CDH18: variants seen among roughly 807,000 people sequenced by gnomAD.
The protein encoded by CDH18 is cadherin-18.
Under a neutral mutation model 67.9 loss-of-function variants are expected in CDH18, and 31 were observed. The observed-to-expected ratio is 0.46, with a 90% CI of 0.34 to 0.62. The LOEUF (loss-of-function observed/expected upper bound fraction) is 0.62. CDH18 is among the 20% of genes least tolerant of loss of function. The probability of loss-of-function intolerance (pLI) is 0.01; values close to 1 mark genes in which losing one functional copy is unlikely to be tolerated. For missense variants in CDH18, 890 were observed against 975.5 expected, an observed-to-expected ratio of 0.91 and a Z score of 1.17; for synonymous variants, 362 against 347.2, an observed-to-expected ratio of 1.04 and a Z score of -0.48.
chr5:20,310,090 G>C (rs1223731168), intron 1 of CDH18, among the ~76,000 whole-genome samples: 1 of 152,062 alleles, frequency 6.6e-6, no homozygotes, highest in Non-Finnish European at 1.5e-5. Context: ...GATGCTGTTA[G>C]TTAATATTCT....
At chr5:20,308,309 G>A (rs1014615922) in intron 1 of CDH18, among the ~76,000 whole-genome samples, 14 of 151,940 alleles carry the variant, frequency 9.2e-5, no homozygotes, top group East Asian at 3.9e-4. Context: ...TTGGGAGGCC[G>A]AGGTGGGTAG....
At chr5:19,896,300 G>GAAC (rs768067491) in intron 2 of CDH18, among the ~76,000 whole-genome samples, 75 of 152,002 alleles carry the variant, frequency 4.9e-4, no homozygotes, top group Non-Finnish European at 3.7e-4. Context: ...AGTGAGTCGA[G>GAAC]AACACATCAT....
chr5:19,992,773 T>C (rs1045888967), upstream of CDH18, among the ~76,000 whole-genome samples: 2 of 152,196 alleles, frequency 1.3e-5, no homozygotes, highest in African/African-American at 4.8e-5. Context: ...AAGTATATGA[T>C]TTCTACATCA....
chr5:19,989,549 A>T (rs1799861189), upstream of CDH18, among the ~76,000 whole-genome samples: 1 of 152,214 alleles, frequency 6.6e-6, no homozygotes, highest in South Asian at 2.1e-4. Flanking sequence ...GATTTAAAAA[A>T]TCTGTATCCT....
chr5:19,675,436 T>A (rs4286669), intron 5 of CDH18, among the ~76,000 whole-genome samples: 1 of 151,682 alleles, frequency 6.6e-6, no homozygotes, highest in Admixed American at 6.6e-5. Flanking sequence ...ATGTCCCCAA[T>A]GGAGCCATTT....
chr5:20,062,535 T>C (rs1359778985), intron 2 of CDH18, among the ~76,000 whole-genome samples: 2 of 152,152 alleles, frequency 1.3e-5, no homozygotes, highest in East Asian at 3.9e-4. Flanking sequence ...TAGATGATGA[T>C]AACAGATTGC....
intron 1 of CDH18, among the ~76,000 whole-genome samples, chr5:20,501,541 AC>A (rs1561068907): frequency 9.3e-5 from 4 of 42,984 alleles, no homozygotes; most frequent in East Asian, 5.8e-3. Context: ...TATATTATAT[AC>A]ATATTATATA....
At position 19,714,428 on chromosome 5, in the gene CDH18, T is replaced by G. The variant is rs185008845; in HGVS notation, c.643+6919A>C. Among the ~76,000 whole-genome samples the G allele has an allele frequency of 2.0e-3, 305 of 152,242 alleles. 1 individual carries two copies. Among genetic ancestry groups the G allele is most frequent in the Middle Eastern group, 0.017 (5 of 294 alleles). On this transcript the variant is annotated intron_variant, in intron 5 of 12. Coordinates refer to ENST00000382275, the MANE Select transcript of CDH18 (RefSeq NM_004934.5). The stretch of plus-strand genomic sequence containing the variant: ...TCTTAAATGCTATCTACAGCTGATT[T>G]TTTTTCTTGTGTTGTTGTCCTCACA...
intron 9 of CDH18, among the ~76,000 whole-genome samples, chr5:19,525,982 G>C (rs3811865): frequency 0.2 from 29,792 of 151,964 alleles, 3,239 homozygotes; most frequent in South Asian, 0.33. Flanking sequence ...TTTGACAGCA[G>C]AGTAAATAAA....
chr5:19,671,711 A>G (rs1758771941), intron 5 of CDH18, among the ~76,000 whole-genome samples: 1 of 152,174 alleles, frequency 6.6e-6, no homozygotes, highest in South Asian at 2.1e-4. Flanking sequence ...GGATCATGAA[A>G]AAGAAAACAA....
intron 1 of CDH18, among the ~76,000 whole-genome samples, chr5:20,420,243 G>A (rs1291652156): frequency 6.6e-6 from 1 of 151,196 alleles, no homozygotes; most frequent in African/African-American, 2.5e-5. Context: ...CTCTCTGCAC[G>A]AAACGTGGTT....
At chr5:20,382,637 G>A (rs1450291431) in intron 1 of CDH18, among the ~76,000 whole-genome samples, 1 of 152,118 alleles carries the variant, frequency 6.6e-6, no homozygotes, top group African/African-American at 2.4e-5. Context: ...AGGAGGAATG[G>A]AGCTTGAAGC....
At chr5:20,462,342 A>T (rs1751321952) in intron 1 of CDH18, among the ~76,000 whole-genome samples, 1 of 152,272 alleles carries the variant, frequency 6.6e-6, no homozygotes, top group Non-Finnish European at 1.5e-5. Context: ...AATGACAGAA[A>T]CCAGAGCCTG....
chr5:19,753,972 A>G (rs2149678907), intron 3 of CDH18, among the ~76,000 whole-genome samples: 1 of 152,308 alleles, frequency 6.6e-6, no homozygotes, highest in African/African-American at 2.4e-5. Context: ...AGAACTGCTA[A>G]AAGGAGCTCT....
chr5:20,086,093 T>C (rs1015124741), intron 2 of CDH18, among the ~76,000 whole-genome samples: 1 of 152,198 alleles, frequency 6.6e-6, no homozygotes, highest in African/African-American at 2.4e-5. Flanking sequence ...CGCTACTCCA[T>C]TGAACACATA....
At chr5:19,696,646 G>A (rs544388351) in intron 5 of CDH18, among the ~76,000 whole-genome samples, 29 of 151,918 alleles carry the variant, frequency 1.9e-4, no homozygotes, top group African/African-American at 6.0e-4. Flanking sequence ...CTCCCGCCTC[G>A]GCCTCCCAAA....
chr5:20,121,609 A>G (rs1400985560), intron 2 of CDH18, among the ~76,000 whole-genome samples: 1 of 152,192 alleles, frequency 6.6e-6, no homozygotes, highest in Non-Finnish European at 1.5e-5. Flanking sequence ...TGCAATCAGC[A>G]GCATAGAAGA....
intron 1 of CDH18, among the ~76,000 whole-genome samples, chr5:20,296,278 G>T (rs1176027780): frequency 1.3e-4 from 20 of 148,904 alleles, no homozygotes; most frequent in Non-Finnish European, 3.0e-4. Context: ...TTTTGAGAGG[G>T]AGTCTCACTC....
chr5:20,250,935 A>G (rs1044889698), intron 2 of CDH18, among the ~76,000 whole-genome samples: 1 of 152,140 alleles, frequency 6.6e-6, no homozygotes, highest in Non-Finnish European at 1.5e-5. Context: ...AAAATTCAGT[A>G]AGTGAACAGT....
Sources: allele counts gnomAD v4.1 joint callset (sites outside exome capture counted in the v4.1 genomes callset), GRCh38; gene constraint gnomAD v4.1.1; transcripts MANE v1.5; gene names NCBI Gene and HGNC (gene_info 2026-07-23, HGNC 2026-07-21).